PITPNM2: variants seen among roughly 807,000 people sequenced by gnomAD.
PITPNM2 encodes the protein membrane-associated phosphatidylinositol transfer protein 2.
In PITPNM2, 35 loss-of-function variants were observed where a neutral mutation model predicts 132.2. That is an observed-to-expected ratio of 0.26 (90% CI 0.20 to 0.35). The LOEUF is 0.35. Ranked by LOEUF, PITPNM2 falls within the 10% of genes least tolerant of loss-of-function variation. PITPNM2 has a pLI of 1.00. For synonymous variants in PITPNM2, 738 were observed against 799.2 expected, an observed-to-expected ratio of 0.92 and a Z score of 1.29; for missense variants, 1,332 against 1,912.0, an observed-to-expected ratio of 0.70 and a Z score of 5.66.
In PITPNM2 at chr12:122,993,662, C is replaced by T. The variant is rs1017917568; in HGVS notation, c.2234-993G>A. On this transcript the variant is annotated intron_variant, in intron 15 of 25. Transcript: ENST00000320201. This position sits in a 1 kb window ranked among gnomAD's most constrained non-coding sequence, Gnocchi z 5.2. ...ACAATGACACATAATGGGACCACAA[C>T]GGTACTGTCCCTAAGTCTCCATGCA... 6.6e-6 allele frequency among the ~76,000 whole-genome samples: 1 copy of T among 152,206 alleles called. No homozygotes were observed. The highest frequency in any genetic ancestry group is 1.5e-5 in the Non-Finnish European group (1 of 68,030).
intron 2 of PITPNM2, among the ~76,000 whole-genome samples, chr12:123,051,114 C>A (rs2040841828): frequency 7.0e-6 from 1 of 142,788 alleles, no homozygotes; most frequent in Non-Finnish European, 1.6e-5. Flanking sequence ...CCTCAAGGCC[C>A]ACCCCTCGCT....
intron 2 of PITPNM2, chr12:123,089,666 C>T (rs930348019): frequency 1.3e-5 from 2 of 152,210 alleles, no homozygotes; most frequent in Non-Finnish European, 2.9e-5. Context: ...ACTACTCATG[C>T]AAACAAAGCC....
intron 10 of PITPNM2, among the ~76,000 whole-genome samples, chr12:122,999,045 A>C (rs942222100): frequency 2.6e-5 from 4 of 151,054 alleles, no homozygotes; most frequent in African/African-American, 7.3e-5. Flanking sequence ...CAGGAGGCAG[A>C]GGTTGCAGTG....
intron 2 of PITPNM2, among the ~76,000 whole-genome samples, chr12:123,094,186 T>C (rs1033852135): frequency 6.6e-6 from 1 of 152,256 alleles, no homozygotes; most frequent in African/African-American, 2.4e-5. Context: ...ATTTCAGGAA[T>C]ACTTGTCTTA....
chr12:123,127,610 CTT>C (rs1202654049), intron 1 of PITPNM2, among the ~76,000 whole-genome samples: 22 of 139,422 alleles, frequency 1.6e-4, no homozygotes, highest in Non-Finnish European at 1.9e-4. Flanking sequence ...CTTTTTCTTT[CTT>C]TTTTTTTTTT....
chr12:123,003,244 C>T (rs2038775701), intron 8 of PITPNM2, among the ~76,000 whole-genome samples: 1 of 152,242 alleles, frequency 6.6e-6, no homozygotes, highest in Non-Finnish European at 1.5e-5. Context: ...GACCACCAGG[C>T]TCATGGCTAC....
chr12:123,138,170 G>A (rs1053783076), intron 1 of PITPNM2, among the ~76,000 whole-genome samples: 2 of 152,122 alleles, frequency 1.3e-5, no homozygotes, highest in African/African-American at 4.8e-5. Context: ...AAAGACGGCC[G>A]GTGCAATGGT....
intron 2 of PITPNM2, among the ~76,000 whole-genome samples, chr12:123,035,445 C>T (rs1296863005): frequency 6.6e-6 from 1 of 152,102 alleles, no homozygotes; most frequent in Admixed American, 6.5e-5. Context: ...GTAGGCAGAT[C>T]ACTTGAGGTT....
intron 1 of PITPNM2, among the ~76,000 whole-genome samples, chr12:123,149,346 C>T (rs2043681730): frequency 6.6e-6 from 1 of 152,210 alleles, no homozygotes; most frequent in Non-Finnish European, 1.5e-5. Context: ...ACTTGGCAAG[C>T]CACTCCTTAC....
At chr12:123,073,405 T>G (rs887002516) in intron 2 of PITPNM2, among the ~76,000 whole-genome samples, 3 of 152,212 alleles carry the variant, frequency 2.0e-5, no homozygotes, top group African/African-American at 7.2e-5. Context: ...GTTATGGGAA[T>G]GCCTTGTCTC....
intron 2 of PITPNM2, among the ~76,000 whole-genome samples, chr12:123,066,678 A>G (rs1375447137): frequency 6.6e-6 from 1 of 152,140 alleles, no homozygotes; most frequent in Non-Finnish European, 1.5e-5. Context: ...AGTTTGCCCC[A>G]CTGGGACTCA....
chr12:123,001,170 A>G lies in PITPNM2; in HGVS notation c.1049-12T>C. ...GTCGGACAGGTCCTCTGGAGAGGAG[A>G]GAGGGAAACTCAGGTGGGACTGGGA... On this transcript the variant is annotated splice_polypyrimidine_tract_variant and intron_variant, in intron 8 of 25. Coordinates refer to ENST00000320201, the MANE Select transcript of PITPNM2 (RefSeq NM_020845.3). 6.2e-7 allele frequency: 1 copy of G among 1,608,184 alleles called. No individual in the cohort carries two copies. Among genetic ancestry groups the G allele is most frequent in the Middle Eastern group, 1.7e-4 (1 of 6,044 alleles).
chr12:123,015,595 C>A (rs1465218386), intron 3 of PITPNM2, among the ~76,000 whole-genome samples: 1 of 151,980 alleles, frequency 6.6e-6, no homozygotes, highest in Non-Finnish European at 1.5e-5. Flanking sequence ...CTATAAGATG[C>A]TTGAGAAATG....
intron 3 of PITPNM2, chr12:123,021,866 G>A (rs2039682517): frequency 4.2e-6 from 1 of 239,152 alleles, no homozygotes; most frequent in South Asian, 1.5e-4. Flanking sequence ...AGGAGGAGAA[G>A]CAATAGTACT....
At chr12:123,044,002 G>A (rs1422728576) in intron 2 of PITPNM2, among the ~76,000 whole-genome samples, 4 of 152,214 alleles carry the variant, frequency 2.6e-5, no homozygotes, top group African/African-American at 4.8e-5. Context: ...GGACCCTGCT[G>A]GTCACAGAGC....
chr12:123,064,336 G>T lies in PITPNM2; in HGVS notation c.-95-29651C>A, dbSNP rs1468437077. 6.6e-6 allele frequency among the ~76,000 whole-genome samples: 1 copy of T among 152,144 alleles called. No individual in the cohort carries two copies. The highest frequency in any genetic ancestry group is 1.5e-5 in the Non-Finnish European group (1 of 68,028). The stretch of plus-strand genomic sequence containing the variant: ...GAGAACTCCTCATTCTGGGCCCAGG[G>T]TGACACCAAACCGATCCCAACCAGC... On this transcript the variant is annotated intron_variant, in intron 2 of 25. Transcript: ENST00000320201. The surrounding 1 kb of genome is among the most constrained non-coding windows in gnomAD (Gnocchi z 4.0).
chr12:123,092,198 GA>G (rs2042285932), intron 2 of PITPNM2: 1 of 152,150 alleles, frequency 6.6e-6, no homozygotes, highest in Non-Finnish European at 1.5e-5. Flanking sequence ...AAGAACCAAG[GA>G]TTGGCTCTGG....
intron 2 of PITPNM2, among the ~76,000 whole-genome samples, chr12:123,035,962 T>A (rs1292371518): frequency 6.6e-6 from 1 of 152,292 alleles, no homozygotes; most frequent in East Asian, 1.9e-4. Flanking sequence ...GGGCTCAAGC[T>A]ATCCTTCTGC....
intron 2 of PITPNM2, among the ~76,000 whole-genome samples, chr12:123,034,980 C>T (rs898931115): frequency 6.6e-6 from 1 of 152,214 alleles, no homozygotes. Flanking sequence ...GTAAGAACAC[C>T]GTGCTCTTGT....
Sources: gnomAD v4.1 joint callset for allele counts (sites outside exome capture counted in the v4.1 genomes callset) on GRCh38, gnomAD v4.1.1 for gene constraint, Gnocchi (gnomAD v3.1) non-coding constraint, MANE v1.5 for transcripts, NCBI Gene and HGNC (gene_info 2026-07-23, HGNC 2026-07-21) for gene names.